The following MGAT4D variants were observed in gnomAD, a reference collection of about 807,000 sequenced individuals.
MGAT4D encodes alpha-1,3-mannosyl-glycoprotein 4-beta-N-acetylglucosaminyltransferase-like protein MGAT4D.
A neutral mutation model predicts 15.9 loss-of-function variants in MGAT4D; 34 were observed. The ratio of observed to expected loss-of-function variants is 2.14; its 90% CI spans 1.62 to 2.84. The LOEUF (loss-of-function observed/expected upper bound fraction) is 2.84. MGAT4D is among the 30% of genes most tolerant of loss of function. The pLI, the probability that MGAT4D is intolerant of heterozygous loss-of-function variation, is 0.00. For missense variants in MGAT4D, 327 were observed against 140.2 expected (o/e 2.33, Z -6.73); for synonymous variants, 112 against 48.2 (o/e 2.33, Z -5.49).
At chr4:140,455,320 C>T (rs569829477) in intron 9 of MGAT4D, among the ~76,000 whole-genome samples, 1 of 152,278 alleles carries the variant, frequency 6.6e-6, no homozygotes, top group East Asian at 1.9e-4. Context: ...GAAACTTCTT[C>T]CTTCACCTAG....
intron 5 of MGAT4D, among the ~76,000 whole-genome samples, chr4:140,468,185 TCTAA>T (rs1049674067): frequency 7.2e-5 from 11 of 152,108 alleles, no homozygotes; most frequent in African/African-American, 2.7e-4. Flanking sequence ...ATAATTTTAT[TCTAA>T]CTCTTTATCC....
chr4:140,471,409 G>A (rs989103037), intron 5 of MGAT4D, among the ~76,000 whole-genome samples: 12 of 152,076 alleles, frequency 7.9e-5, no homozygotes, highest in African/African-American at 2.4e-4. Flanking sequence ...TAATCCGTAC[G>A]TGCTTCGGCT....
At chr4:140,444,582 T>C (rs1302889508) in intron 10 of MGAT4D, among the ~76,000 whole-genome samples, 1 of 152,228 alleles carries the variant, frequency 6.6e-6, no homozygotes, top group Non-Finnish European at 1.5e-5. Flanking sequence ...TAGTATTCCA[T>C]GGTGTATGTG....
At chr4:140,465,367 C>T (rs1018687073) in intron 5 of MGAT4D, among the ~76,000 whole-genome samples, 2 of 152,104 alleles carry the variant, frequency 1.3e-5, no homozygotes, top group Admixed American at 1.3e-4. Context: ...TTTTTAAATG[C>T]ATAATTTTGA....
At chr4:140,471,243 C>CTTCCTTCT (rs1731930150) in intron 5 of MGAT4D, among the ~76,000 whole-genome samples, 2 of 107,148 alleles carry the variant, frequency 1.9e-5, no homozygotes, top group African/African-American at 8.3e-5. Flanking sequence ...TCCTTCCTTC[C>CTTCCTTCT]TTCCTTCCTT....
At chr4:140,472,337 G>T (rs577033334) in intron 4 of MGAT4D, among the ~76,000 whole-genome samples, 1 of 152,180 alleles carries the variant, frequency 6.6e-6, no homozygotes, top group South Asian at 2.1e-4. Context: ...TGAACAGTGC[G>T]CTAGATTAGA....
intron 4 of MGAT4D, 97 bp downstream of exon 4, chr4:140,474,716 C>G: frequency 2.3e-6 from 1 of 426,990 alleles, no homozygotes; most frequent in Non-Finnish European, 4.1e-6. Context: ...ATTAAGAAAA[C>G]AGTTTTCAAC....
At chr4:140,495,318 T>C (rs1733767155) in intron 1 of MGAT4D, among the ~76,000 whole-genome samples, 1 of 152,222 alleles carries the variant, frequency 6.6e-6, no homozygotes, top group Admixed American at 6.5e-5. Context: ...AACAGCACTT[T>C]CCTTTCCCTA....
intron 4 of MGAT4D, among the ~76,000 whole-genome samples, chr4:140,474,241 T>C (rs1732167150): frequency 6.6e-6 from 1 of 152,176 alleles, no homozygotes; most frequent in Non-Finnish European, 1.5e-5. Flanking sequence ...TGTTAATTAC[T>C]GGGCAAGTTA....
chr4:140,477,174 G>A (rs957811201), intron 3 of MGAT4D, among the ~76,000 whole-genome samples: 1 of 151,836 alleles, frequency 6.6e-6, no homozygotes, highest in African/African-American at 2.4e-5. Flanking sequence ...TCTACTTTCC[G>A]CTATCCACCA....
At chr4:140,495,277 G>A (rs1375404832) in intron 1 of MGAT4D, among the ~76,000 whole-genome samples, 1 of 152,122 alleles carries the variant, frequency 6.6e-6, no homozygotes, top group Non-Finnish European at 1.5e-5. Flanking sequence ...ACTTGCTCAG[G>A]TAATCCTTCT....
chr4:140,446,114 T>C (rs1730102968), intron 10 of MGAT4D, among the ~76,000 whole-genome samples: 1 of 29,202 alleles, frequency 3.4e-5, no homozygotes, highest in Non-Finnish European at 8.5e-5. Context: ...TTGAGGATAT[T>C]GGCCTGAAGT....
intron 9 of MGAT4D, among the ~76,000 whole-genome samples, chr4:140,453,901 A>G (rs1055763853): frequency 6.6e-6 from 1 of 152,100 alleles, no homozygotes; most frequent in African/African-American, 2.4e-5. Flanking sequence ...GGACTAATAC[A>G]TTTGGTTTTC....
chr4:140,454,503 A>T (rs1353473186), intron 9 of MGAT4D, among the ~76,000 whole-genome samples: 2 of 152,118 alleles, frequency 1.3e-5, no homozygotes, highest in Non-Finnish European at 2.9e-5. Flanking sequence ...GATTCAATTT[A>T]CTATTACTGG....
chr4:140,449,873 G>A, intron 10 of MGAT4D: 1 of 191,110 alleles, frequency 5.2e-6, no homozygotes, highest in Non-Finnish European at 1.1e-5. Flanking sequence ...GGGAAACACA[G>A]CAACAAAAGT....
rs1015112731 is a variant in MGAT4D, at chr4:140,442,905, C to T, written c.*531G>A. The T allele has an allele frequency of 2.6e-5, 4 of 152,024 alleles. No individual in the cohort carries two copies. Among genetic ancestry groups the T allele is most frequent in the African/African-American group, 7.2e-5 (3 of 41,394 alleles). 9.4% of individuals were successfully genotyped at this position (152,024 alleles called of 1,614,324 possible). A position where few individuals can be genotyped will look rare whatever the true frequency, so the allele number is the denominator to read the frequency against. On this transcript the variant is annotated 3_prime_UTR_variant, in exon 11 of 11. Transcript: ENST00000511113. ...TTAGAACTAAATGACTATAAGAATA[C>T]ATATATATCAAGATGTTTGATAATC...
intron 1 of MGAT4D, among the ~76,000 whole-genome samples, chr4:140,486,757 C>G (rs375417930): frequency 6.6e-6 from 1 of 152,250 alleles, no homozygotes; most frequent in African/African-American, 2.4e-5. Context: ...AGTATAAGAA[C>G]TAATTTTAGT....
chr4:140,463,801 A>G (rs1312294507), intron 6 of MGAT4D, among the ~76,000 whole-genome samples: 1 of 152,220 alleles, frequency 6.6e-6, no homozygotes, highest in Admixed American at 6.5e-5. Context: ...AATGATTGCA[A>G]GGTTGGCAGA....
Position 140,474,807 on chromosome 4 carries a change from A to G in MGAT4D, c.525+6T>C. On this transcript the variant is annotated splice_donor_region_variant and intron_variant, in intron 4 of 10. Transcript: ENST00000511113. Reference sequence around the variant, plus strand: ...ATAAGGAGAGCTCCTTATTTTGTATACGTACATCTGCAACCAAGACAATCA... The same window carrying G: ...ATAAGGAGAGCTCCTTATTTTGTATGCGTACATCTGCAACCAAGACAATCA... 1.5e-6 allele frequency: 1 copy of G among 664,616 alleles called. No individual in the cohort carries two copies. The highest frequency in any genetic ancestry group is 1.7e-5 in the South Asian group (1 of 60,382). The allele number at this position is 664,616 out of a possible 1,614,324, so 41.2% of individuals were successfully genotyped here. A position where few individuals can be genotyped will look rare whatever the true frequency, so the allele number is the denominator to read the frequency against.
Sources: gnomAD v4.1 joint callset for allele counts (sites outside exome capture counted in the v4.1 genomes callset) on GRCh38, gnomAD v4.1.1 for gene constraint, MANE v1.5 for transcripts, NCBI Gene and HGNC (gene_info 2026-07-23, HGNC 2026-07-21) for gene names.